Variants in AGL observed in about 807,000 individuals in gnomAD.
The protein encoded by AGL is glycogen debranching enzyme.
Under a neutral mutation model 199.3 loss-of-function variants are expected in AGL, and 128 were observed. That is an observed-to-expected ratio of 0.64 (90% confidence interval 0.56 to 0.74). The LOEUF (loss-of-function observed/expected upper bound fraction) is 0.74, where lower values mean the gene tolerates loss of function less well. Among genes scored for constraint, AGL ranks in the 30% least tolerant of loss-of-function variants. The pLI is 0.00. For missense variants in AGL, 1,809 were observed against 1,820.8 expected, an observed-to-expected ratio of 0.99 and a Z score of 0.12; for synonymous variants, 584 against 594.7, an observed-to-expected ratio of 0.98 and a Z score of 0.26.
At chr1:99,888,287 C>T (rs1419428404) in intron 21 of AGL, among the ~76,000 whole-genome samples, 179 bp downstream of exon 21, 1 of 152,124 alleles carries the variant, frequency 6.6e-6, no homozygotes, top group Non-Finnish European at 1.5e-5. Flanking sequence ...CCAATTTCTG[C>T]TTCTATAAAA....
chr1:99,879,857 C>T (rs753196899), intron 12 of AGL, 66 bp from the exon 13 acceptor site: 33 of 1,361,082 alleles, frequency 2.4e-5, no homozygotes, highest in Non-Finnish European at 3.2e-5. Context: ...CTCTTTCCTT[C>T]CTCCTATCTT....
chr1:99,893,998 C>T (rs1180134969), intron 24 of AGL, among the ~76,000 whole-genome samples: 3 of 151,726 alleles, frequency 2.0e-5, no homozygotes, highest in Non-Finnish European at 4.4e-5. Flanking sequence ...GCCTGAACAA[C>T]ATAGCAAGAC....
At chr1:99,912,920 T>A (rs1314076301) in intron 29 of AGL, among the ~76,000 whole-genome samples, 2 of 152,196 alleles carry the variant, frequency 1.3e-5, no homozygotes, top group African/African-American at 2.4e-5. Context: ...TGAAATTGAT[T>A]ACAAGATATT....
At position 99,870,837 on chromosome 1, in the gene AGL, C is replaced by A; in HGVS notation, c.926C>A (p.Ala309Glu). Residue 309 changes from alanine to glutamate, a missense_variant, in exon 7 of 34, where the codon GCG becomes GAG. Ala to Glu is a moderately radical substitution (Grantham distance 107, BLOSUM62 -1). Transcript: ENST00000361915. ...TTTTTCCAAGTAGATGTCAACAAAG[C>A]GGTTGAGCAATTTAGAAGACTTCTT... ...WEFFQVDVNK[A>E]VEQFRRLLTQ... The A allele has an allele frequency of 6.2e-7, 1 of 1,608,538 alleles. No homozygotes were observed. Among genetic ancestry groups the A allele is most frequent in the Non-Finnish European group, 8.5e-7 (1 of 1,175,292 alleles).
At position 99,861,146 on chromosome 1, in the gene AGL, C is replaced by G. The variant is rs1425629940; in HGVS notation, c.83-357C>G. 9 of 1,144,368 alleles carry G rather than the reference C, an allele frequency of 7.9e-6. No homozygotes were observed. In the East Asian group the frequency reaches 3.8e-4, roughly 48 times the overall value. The allele number at this position is 1,144,368 out of a possible 1,614,324, so 70.9% of individuals were successfully genotyped here. ...AGAAAAATACTAGAGAAGGTCTCTC[C>G]TCAGATGCCTGCCATTGGGTACTTA... On this transcript the variant is annotated intron_variant, in intron 2 of 33. Coordinates refer to ENST00000361915, the MANE Select transcript of AGL (RefSeq NM_000642.3).
At chr1:99,901,875 T>C (rs1275271496) in intron 26 of AGL, among the ~76,000 whole-genome samples, 2 of 152,176 alleles carry the variant, frequency 1.3e-5, no homozygotes, top group African/African-American at 4.8e-5. Context: ...CCAAAATTTT[T>C]TTATTTGTCC....
chr1:99,852,351 C>CTTTTTTTTTTTTT (rs11363065), intron 2 of AGL, among the ~76,000 whole-genome samples: 21 of 97,510 alleles, frequency 2.2e-4, no homozygotes, highest in African/African-American at 3.0e-4. Flanking sequence ...GCATTCATTT[C>CTTTTTTTTTTTTT]TTTTTTTTTT....
rs12035163 is a variant in AGL at position 99,906,015 on chromosome 1, A to G, written c.3700+3221A>G. 5.7e-3 allele frequency among the ~76,000 whole-genome samples: 869 copies of G among 152,262 alleles called. 6 individuals are homozygous for G. The highest frequency in any genetic ancestry group is 0.035 in the East Asian group (180 of 5,182). On this transcript the variant is annotated intron_variant, in intron 27 of 33. Coordinates refer to ENST00000361915, the MANE Select transcript of AGL (RefSeq NM_000642.3). The stretch of plus-strand genomic sequence containing the variant: ...TTACCATTTTACCATAAAAGTTACA[A>G]TTTTAGCCATTTTAAGTGTACAATT...
intron 10 of AGL, 98 bp downstream of exon 10, chr1:99,875,553 T>G: frequency 1.0e-6 from 1 of 984,426 alleles, no homozygotes; most frequent in Non-Finnish European, 1.6e-6. Context: ...ACATGTGAGT[T>G]CAGTACATTT....
At chr1:99,881,044 CA>C (rs751663050) in intron 14 of AGL, 31 bp from the exon 15 acceptor site, 2 of 1,574,206 alleles carry the variant, frequency 1.3e-6, no homozygotes, top group Non-Finnish European at 1.7e-6. Flanking sequence ...TGAAAGAAAG[CA>C]AACTTTTGCT....
Position 99,851,112 on chromosome 1 carries a change from A to G in AGL, c.70A>G (p.Arg24Gly). 6.2e-7 allele frequency: 1 copy of G among 1,613,988 alleles called. No homozygotes were observed. The highest frequency in any genetic ancestry group is 8.5e-7 in the Non-Finnish European group (1 of 1,179,858). ...GGAGAAACTGGAAAAGACCCTCTTC[A>G]GACTTGAACAAGGTCAGTAGCAAGT... Reference protein sequence around the residue: ...EMEKLEKTLFRLEQGYELQFR... With the variant: ...EMEKLEKTLFGLEQGYELQFR... Residue 24 changes from arginine to glycine, a missense_variant, in exon 2 of 34, where the codon AGA becomes GGA. By Grantham distance (125) the Arg-to-Gly change is moderately radical. Coordinates refer to ENST00000361915, the MANE Select transcript of AGL (RefSeq NM_000642.3).
chr1:99,869,883 C>T (rs1279082438), intron 5 of AGL, among the ~76,000 whole-genome samples: 2 of 152,150 alleles, frequency 1.3e-5, no homozygotes, highest in African/African-American at 2.4e-5. Context: ...TGGTCTTGAA[C>T]TCCTGCAGGC....
In AGL at chr1:99,923,708, C is replaced by A. The variant is rs767472276; in HGVS notation, c.*2057C>A. On this transcript the variant is annotated 3_prime_UTR_variant, in exon 34 of 34. Coordinates refer to ENST00000361915, the MANE Select transcript of AGL (RefSeq NM_000642.3). ...ACAGGTGTCATTTGACTAAACGTTT[C>A]GGTAGAATGCTTCATACTTGAGTGA... The A allele has an allele frequency of 6.6e-6, 1 of 152,140 alleles. No individual in the cohort carries two copies. Among genetic ancestry groups the A allele is most frequent in the Non-Finnish European group, 1.5e-5 (1 of 68,030 alleles). 9.4% of individuals were successfully genotyped at this position (152,140 alleles called of 1,614,324 possible). A position where few individuals can be genotyped will look rare whatever the true frequency, so the allele number is the denominator to read the frequency against.
Position 99,915,462 on chromosome 1 carries a change from TTGGC to T in AGL, c.4236_4239del (p.Gly1413Ter). 1.9e-6 allele frequency: 3 copies of T among 1,613,242 alleles called. No individual in the cohort carries two copies. The highest frequency in any genetic ancestry group is 2.5e-6 in the Non-Finnish European group (3 of 1,179,266). On this transcript the variant is annotated frameshift_variant, in exon 31 of 34. Transcript: ENST00000361915. LOFTEE classifies it high-confidence loss of function. The stretch of plus-strand genomic sequence containing the variant: ...GCAGAAAAAAAATTGCTTGGTCCCC[TTGGC>T]ATGAAAACTTTAGATCCAGAGTAAG...
chr1:99,896,968 C>G (rs1418280081), intron 25 of AGL, among the ~76,000 whole-genome samples: 1 of 152,142 alleles, frequency 6.6e-6, no homozygotes, highest in Non-Finnish European at 1.5e-5. Context: ...AGGCGCCCGC[C>G]ACCACGCCCA....
chr1:99,883,588 C>A (rs1652218890), intron 17 of AGL, among the ~76,000 whole-genome samples: 2 of 152,030 alleles, frequency 1.3e-5, no homozygotes, highest in Non-Finnish European at 2.9e-5. Flanking sequence ...TATATAACTT[C>A]AATTCATTTT....
chr1:99,893,237 CAA>C (rs1184241438), intron 24 of AGL, among the ~76,000 whole-genome samples: 1 of 152,064 alleles, frequency 6.6e-6, no homozygotes, highest in Non-Finnish European at 1.5e-5. Flanking sequence ...TGAAAAATAT[CAA>C]GTTACAGGAA....
At chr1:99,904,378 T>A (rs1377924486) in intron 27 of AGL, among the ~76,000 whole-genome samples, 1 of 152,168 alleles carries the variant, frequency 6.6e-6, no homozygotes, top group Non-Finnish European at 1.5e-5. Context: ...GTTGAAAAAA[T>A]GATACATAGT....
Position 99,861,697 on chromosome 1 carries a change from T to C in AGL, c.277T>C (p.Tyr93His). 1 of 1,613,680 alleles carries C rather than the reference T, an allele frequency of 6.2e-7. No homozygotes were observed. The highest frequency in any genetic ancestry group is 1.3e-5 in the African/African-American group (1 of 75,036). ...TCTGCAACAATCTGGTTCATTTCAG[T>C]ATTATTTCCTTCAAGGGTAAGTCAG... ...LNLQQSGSFQ[Y>H]YFLQGNEKSG... is the part of the protein sequence containing the mutation. Residue 93 changes from tyrosine to histidine, a missense_variant, in exon 3 of 34, where the codon TAT (tyrosine) becomes CAT (histidine). Physicochemically the swap from Tyr to His is moderately conservative, Grantham distance 83. Transcript: ENST00000361915.
Sources: allele counts gnomAD v4.1 joint callset (sites outside exome capture counted in the v4.1 genomes callset), GRCh38; gene constraint gnomAD v4.1.1; transcripts MANE v1.5; gene names NCBI Gene and HGNC (gene_info 2026-07-23, HGNC 2026-07-21).